Variants in ARHGAP9 observed in about 807,000 individuals in gnomAD.
ARHGAP9 encodes the protein Rho GTPase activating protein 9.
A neutral mutation model predicts 87.3 loss-of-function variants in ARHGAP9; 76 were observed. The observed-to-expected ratio is 0.87, with a 90% CI of 0.72 to 1.05. The LOEUF (loss-of-function observed/expected upper bound fraction) is 1.05. Among genes scored for constraint, ARHGAP9 ranks in the 50% least tolerant of loss-of-function variants. The pLI, the probability that ARHGAP9 is intolerant of heterozygous loss-of-function variation, is 0.00. For missense variants in ARHGAP9, 941 were observed against 960.5 expected (o/e 0.98, Z 0.27); for synonymous variants, 382 against 394.9 (o/e 0.97, Z 0.39).
Position 57,472,466 on chromosome 12 carries a change from C to G in ARHGAP9, c.*51G>C, listed in dbSNP as rs1328368032. 2 of 1,584,154 alleles carry G rather than the reference C, an allele frequency of 1.3e-6. No homozygotes were observed. The highest frequency in any genetic ancestry group is 1.7e-6 in the Non-Finnish European group (2 of 1,164,512). On this transcript the variant is annotated 3_prime_UTR_variant, in exon 18 of 18. Transcript: ENST00000393791. ...TATCCTCAAAACAGAACACCAGCCT[C>G]TCACCACCAGAGATGACCGGAAATA...
At chr12:57,480,665 C>T (rs560817787), upstream of ARHGAP9, 83 of 973,394 alleles carry the variant, frequency 8.5e-5, no homozygotes, top group Middle Eastern at 2.1e-4. Flanking sequence ...TAATGCAAGA[C>T]GCTATGACAG....
chr12:57,474,621 C>T lies in ARHGAP9; in HGVS notation c.1729+5G>A. On this transcript the variant is annotated splice_donor_5th_base_variant and intron_variant, in intron 14 of 17. Transcript: ENST00000393791. ...GTACAACCACTGGCCCACAAGCCTTCTCACCTCTGTCCACCAGAAAGCGAA... is the reference window on the plus strand; with the variant it reads ...GTACAACCACTGGCCCACAAGCCTTTTCACCTCTGTCCACCAGAAAGCGAA... The T allele has an allele frequency of 2.5e-6, 4 of 1,614,198 alleles. No individual in the cohort carries two copies. The highest frequency in any genetic ancestry group is 1.3e-5 in the African/African-American group (1 of 75,040).
At chr12:57,474,814 G>A (rs935965323) in intron 13 of ARHGAP9, 61 bp downstream of exon 13, 3 of 1,607,562 alleles carry the variant, frequency 1.9e-6, no homozygotes, top group African/African-American at 1.3e-5. Context: ...GAATGGGGGA[G>A]GCAGAAAATT....
chr12:57,478,721 G>A lies in ARHGAP9; in HGVS notation c.353C>T (p.Ser118Phe). The change falls in exon 3 of 18, where the codon TCT becomes TTT. Residue 118 changes from serine to phenylalanine, a missense_variant. Ser to Phe is a radical substitution (Grantham distance 155, BLOSUM62 -2). Transcript: ENST00000393791. Reference protein sequence around the residue: ...KLFHGSLEELSQALPSRAQAS... With the variant: ...KLFHGSLEELFQALPSRAQAS... ...CTGAGCCCTGCTTGGGAGGGCCTGA[G>A]ACAACTCCTCCAGGGAACCATGAAA... The A allele has an allele frequency of 6.2e-7, 1 of 1,613,224 alleles. No individual in the cohort carries two copies. The highest frequency in any genetic ancestry group is 8.5e-7 in the Non-Finnish European group (1 of 1,179,368).
chr12:57,476,957 G>A lies in ARHGAP9; in HGVS notation c.877C>T (p.Leu293Phe). 1 of 1,613,338 alleles carries A rather than the reference G, an allele frequency of 6.2e-7. No individual in the cohort carries two copies. Among genetic ancestry groups the A allele is most frequent in the Non-Finnish European group, 8.5e-7 (1 of 1,179,758 alleles). ...TGCGAGGTGCGTTGGCTGAGGCTGA[G>A]TGAACCCTAGGGGAGAGGATTGGAG... ...TPEPLDPQGSLSLSQRTSQLD... is the reference protein window; with the variant it reads ...TPEPLDPQGSFSLSQRTSQLD... Residue 293 changes from leucine (L) to phenylalanine (F), a missense_variant, in exon 6 of 18, where the codon CTC becomes TTC. Coordinates refer to ENST00000393791, the MANE Select transcript of ARHGAP9 (RefSeq NM_032496.4).
upstream of ARHGAP9, chr12:57,480,081 C>T (rs1874857420): frequency 1.0e-6 from 1 of 985,274 alleles, no homozygotes; most frequent in African/African-American, 1.7e-5. Flanking sequence ...TATCACCACC[C>T]TCCCAATCCA....
At position 57,472,591 on chromosome 12, in the gene ARHGAP9, G is replaced by A. The variant is rs1872189887; in HGVS notation, c.2122C>T (p.Pro708Ser). Residue 708 changes from proline (P) to serine (S), a missense_variant, in exon 18 of 18, where the codon CCA becomes TCA. By Grantham distance (74) the Pro-to-Ser change is moderately conservative. Coordinates refer to ENST00000393791, the MANE Select transcript of ARHGAP9 (RefSeq NM_032496.4). ...LFRPEQETSDPAAHALYPGQL... is the reference protein window; with the variant it reads ...LFRPEQETSDSAAHALYPGQL... ...CCTGGGTAGAGAGCATGGGCTGCTG[G>A]GTCAGATGTCTCCTGCTCTGGCCGA... is the stretch of plus-strand genomic sequence containing the variant. The A allele has an allele frequency of 6.2e-7, 1 of 1,614,100 alleles. No individual in the cohort carries two copies. The highest frequency in any genetic ancestry group is 1.7e-5 in the Admixed American group (1 of 60,008).
At chr12:57,477,105 A>C in intron 5 of ARHGAP9, 51 bp downstream of exon 5, 1 of 1,594,960 alleles carries the variant, frequency 6.3e-7, no homozygotes, top group Non-Finnish European at 8.6e-7. Flanking sequence ...ACAGAAAGTC[A>C]TAACAAGCTG....
At chr12:57,488,070 C>A (rs1236618111) in intron 1 of ARHGAP9, 17 of 1,608,276 alleles carry the variant, frequency 1.1e-5, no homozygotes, top group Non-Finnish European at 1.4e-5. Context: ...CCGGTTGCAT[C>A]AGCGAGGGAT....
At chr12:57,480,325 G>A (rs146879019), upstream of ARHGAP9, among the ~76,000 whole-genome samples, 19 of 152,204 alleles carry the variant, frequency 1.2e-4, no homozygotes, top group East Asian at 3.5e-3. Context: ...GGGATTACAG[G>A]TGCCTGTCAC....
intron 1 of ARHGAP9, chr12:57,488,194 C>G (rs769545323): frequency 2.5e-6 from 4 of 1,611,020 alleles, no homozygotes; most frequent in Non-Finnish European, 2.5e-6. Flanking sequence ...ACTGTAGGCC[C>G]GGAAGGTACT....
At position 57,477,862 on chromosome 12, in the gene ARHGAP9, T is replaced by C; in HGVS notation, c.535-182A>G. 5 of 1,421,564 alleles carry C rather than the reference T, an allele frequency of 3.5e-6. No individual in the cohort carries two copies. The South Asian group carries it at 5.6e-5, about 16-fold the overall frequency. The allele number at this position is 1,421,564 out of a possible 1,614,324, so 88.1% of individuals were successfully genotyped here. A position where few individuals can be genotyped will look rare whatever the true frequency, so the allele number is the denominator to read the frequency against. On this transcript the variant is annotated intron_variant, in intron 3 of 17. Coordinates refer to ENST00000393791, the MANE Select transcript of ARHGAP9 (RefSeq NM_032496.4). ...CCAGCTGCTTTTTAAAAATTCTCTCTCTCACAGTTTTCTTTGCTCTTCTCC... is the reference window on the plus strand; with the variant it reads ...CCAGCTGCTTTTTAAAAATTCTCTCCCTCACAGTTTTCTTTGCTCTTCTCC...
At chr12:57,487,206 A>C (rs887044691) in intron 1 of ARHGAP9, 1 of 151,306 alleles carries the variant, frequency 6.6e-6, no homozygotes, top group Non-Finnish European at 1.5e-5. Context: ...CGAACTGCTG[A>C]CCTCAGGTGA....
rs139460885 is a variant in ARHGAP9 at position 57,476,605 on chromosome 12, C to T, written c.1010G>A (p.Gly337Glu). The T allele has an allele frequency of 3.5e-5, 57 of 1,614,178 alleles. No homozygotes were observed. Among genetic ancestry groups the T allele is most frequent in the Admixed American group, 1.3e-4 (8 of 60,020 alleles). ...GLLNMTKIAQ[G>E]GRKLRKNWGP... is the part of the protein sequence containing the mutation. ...GGGTTCTCACCTGAGCTTGCGCCCC[C>T]CTTGGGCAATCTTGGTCATGTTGAG... Residue 337 changes from glycine (G) to glutamate (E), a missense_variant, in exon 7 of 18, where the codon GGG becomes GAG. By Grantham distance (98) the Gly-to-Glu change is moderately conservative (BLOSUM62 -2). Transcript: ENST00000393791.
At chr12:57,479,644 G>A in intron 1 of ARHGAP9, 86 bp downstream of exon 1, 1 of 1,549,354 alleles carries the variant, frequency 6.5e-7, no homozygotes, top group Non-Finnish European at 8.7e-7. Context: ...AGTAACATGA[G>A]AGAGGATGTG....
In ARHGAP9 at chr12:57,487,938, G is replaced by A. The variant is rs571055404; in HGVS notation, c.-204+674C>T. On this transcript the variant is annotated intron_variant, in intron 1 of 20. Transcript: ENST00000393797. ...TGATAGTCTTTTCCTGTGTCTTAGC[G>A]TTGCATGATGGGAGAAATAGTCTAC... is the stretch of plus-strand genomic sequence containing the variant. 3.7e-5 allele frequency: 25 copies of A among 678,092 alleles called. No homozygotes were observed. In the South Asian group the frequency reaches 3.9e-4, roughly 11 times the overall value. The allele number at this position is 678,092 out of a possible 1,614,324, so 42.0% of individuals were successfully genotyped here. A position where few individuals can be genotyped will look rare whatever the true frequency, so the allele number is the denominator to read the frequency against.
At chr12:57,480,919 G>T (rs1316609601), upstream of ARHGAP9, 1 of 1,347,874 alleles carries the variant, frequency 7.4e-7, no homozygotes, top group Non-Finnish European at 1.0e-6. Context: ...TCCCCTGAGG[G>T]CTGGGTGGCT....
In ARHGAP9 at chr12:57,477,627, G is replaced by T. The variant is rs1330813578; in HGVS notation, c.588C>A (p.Asp196Glu). The change falls in exon 4 of 18, where the codon GAC (aspartate) becomes GAA (glutamate). Residue 196 changes from aspartate (D) to glutamate (E), a missense_variant. Physicochemically the swap from Asp to Glu is conservative, Grantham distance 45 (BLOSUM62 2). Transcript: ENST00000393791. ...SEPPVYCNLV[D>E]LRRCPRSPPP... ...GTGGGGACCGAGGACAGCGGCGAAG[G>T]TCCACCAGGTTACAGTACACAGGGG... 5.0e-6 allele frequency: 8 copies of T among 1,613,212 alleles called. No homozygotes were observed. Among genetic ancestry groups the T allele is most frequent in the Non-Finnish European group, 6.8e-6 (8 of 1,179,724 alleles).
chr12:57,488,295 C>A, intron 1 of ARHGAP9: 1 of 1,136,126 alleles, frequency 8.8e-7, no homozygotes, highest in Non-Finnish European at 1.3e-6. Flanking sequence ...CTAGCCCTCG[C>A]CACACACCCC....
Sources: gnomAD v4.1 joint callset for allele counts (sites outside exome capture counted in the v4.1 genomes callset) on GRCh38, gnomAD v4.1.1 for gene constraint, MANE v1.5 for transcripts, NCBI Gene and HGNC (gene_info 2026-07-23, HGNC 2026-07-21) for gene names.